Variants in KCTD1 observed in about 807,000 individuals in gnomAD.
KCTD1 encodes the protein potassium channel tetramerization domain containing 1, also known as BTB/POZ domain-containing protein KCTD1.
Under a neutral mutation model 66.0 loss-of-function variants are expected in KCTD1, and 24 were observed. The ratio of observed to expected loss-of-function variants is 0.36; its 90% confidence interval spans 0.26 to 0.51. KCTD1 has a LOEUF of 0.51. Ranked by LOEUF, KCTD1 falls within the 20% of genes least tolerant of loss-of-function variation. The probability of loss-of-function intolerance (pLI) is 0.95; values close to 1 mark genes in which losing one functional copy is unlikely to be tolerated. For missense variants in KCTD1, 943 were observed against 1,205.2 expected, an observed-to-expected ratio of 0.78 and a Z score of 3.22; for synonymous variants, 511 against 517.2, an observed-to-expected ratio of 0.99 and a Z score of 0.16.
intron 3 of KCTD1, 109 bp from the exon 4 acceptor site, chr18:26,460,034 A>G (rs2144535818): frequency 2.5e-6 from 2 of 798,346 alleles, no homozygotes; most frequent in Non-Finnish European, 4.0e-6. Flanking sequence ...CACTAATCAA[A>G]TCTGCATGTG....
chr18:26,643,225 G>A (rs759147691), upstream of KCTD1, among the ~76,000 whole-genome samples: 1 of 152,136 alleles, frequency 6.6e-6, no homozygotes, highest in Non-Finnish European at 1.5e-5. Context: ...TAGAGACTGA[G>A]TTATCTGGTG....
upstream of KCTD1, among the ~76,000 whole-genome samples, chr18:26,632,544 T>G (rs916870375): frequency 7.2e-5 from 11 of 152,122 alleles, no homozygotes; most frequent in African/African-American, 2.7e-4. Context: ...GAAATAAATA[T>G]TTTTGCTGAT....
chr18:26,509,158 TAA>T (rs71376964), intron 1 of KCTD1, among the ~76,000 whole-genome samples: 4 of 128,460 alleles, frequency 3.1e-5, no homozygotes, highest in Admixed American at 7.5e-5. Context: ...TTCACTTAAG[TAA>T]AAAAAAAAAA....
intron 1 of KCTD1, among the ~76,000 whole-genome samples, chr18:26,559,910 C>G (rs1220811245): frequency 6.6e-6 from 1 of 152,148 alleles, no homozygotes; most frequent in Non-Finnish European, 1.5e-5. Flanking sequence ...TGCCAGTGCC[C>G]TTCAGTGGAG....
chr18:26,656,835 G>A (rs1988158963), intron 1 of KCTD1, among the ~76,000 whole-genome samples: 1 of 149,042 alleles, frequency 6.7e-6, no homozygotes, highest in Admixed American at 6.6e-5. Context: ...CGGCGGGGCC[G>A]GTTTGCGGGC....
In KCTD1 at chr18:26,455,682, C is replaced by T. The variant is rs1980034486; in HGVS notation, c.*61G>A. On this transcript the variant is annotated 3_prime_UTR_variant, in exon 5 of 5. Transcript: ENST00000580059. ...GCTGTCCCAACTGCACATAAATGTC[C>T]CTTTTTTGTTTGAGTTATTGGTTGT... The T allele has an allele frequency of 1.9e-6, 3 of 1,603,104 alleles. No individual in the cohort carries two copies. The highest frequency in any genetic ancestry group is 2.2e-5 in the East Asian group (1 of 44,838).
chr18:26,540,924 G>C (rs1260250626), intron 1 of KCTD1, among the ~76,000 whole-genome samples: 1 of 152,158 alleles, frequency 6.6e-6, no homozygotes, highest in Non-Finnish European at 1.5e-5. Context: ...GTAATTCAGG[G>C]TGTGAATGAG....
At chr18:26,590,610 G>A (rs928551266) in intron 1 of KCTD1, among the ~76,000 whole-genome samples, 5 of 151,866 alleles carry the variant, frequency 3.3e-5, no homozygotes, top group Non-Finnish European at 7.4e-5. Flanking sequence ...TGCTTGTGTG[G>A]TACAGTTTTA....
intron 1 of KCTD1, chr18:26,544,993 T>C (rs1170652027): frequency 6.6e-6 from 1 of 152,238 alleles, no homozygotes; most frequent in East Asian, 1.9e-4. Context: ...TGATTTATTT[T>C]ACTCAGGTAA....
upstream of KCTD1, among the ~76,000 whole-genome samples, chr18:26,640,666 G>A (rs2145062002): frequency 6.6e-6 from 1 of 152,276 alleles, no homozygotes; most frequent in South Asian, 2.1e-4. Context: ...GCACTTATAG[G>A]AGGGAGAAAT....
At chr18:26,570,218 T>C (rs946600750) in intron 1 of KCTD1, among the ~76,000 whole-genome samples, 2 of 125,840 alleles carry the variant, frequency 1.6e-5, no homozygotes, top group Admixed American at 1.6e-4. Flanking sequence ...ATATATATGA[T>C]TTCAGCAATT....
At chr18:26,599,642 T>C (rs1185438977) in intron 1 of KCTD1, 2 of 1,470,710 alleles carry the variant, frequency 1.4e-6, no homozygotes, top group Non-Finnish European at 1.9e-6. Context: ...TGCTGAGATT[T>C]TGGCTGAAAT....
intron 4 of KCTD1, 48 bp from the exon 5 acceptor site, chr18:26,455,949 A>G: frequency 6.4e-7 from 1 of 1,573,934 alleles, no homozygotes; most frequent in African/African-American, 1.4e-5. Flanking sequence ...GGTAAGTCCT[A>G]TGGCTACATA....
At chr18:26,497,020 G>C (rs982702477) in intron 2 of KCTD1, among the ~76,000 whole-genome samples, 3 of 152,112 alleles carry the variant, frequency 2.0e-5, no homozygotes, top group Admixed American at 6.5e-5. Flanking sequence ...TGCTTCCCAG[G>C]TGCTTCTAAT....
intron 1 of KCTD1, among the ~76,000 whole-genome samples, chr18:26,617,560 T>C (rs1012184737): frequency 6.6e-6 from 1 of 152,210 alleles, no homozygotes; most frequent in African/African-American, 2.4e-5. Context: ...GAGGGAATAA[T>C]GTTTTATAAA....
rs76518650 is a variant in KCTD1, at chr18:26,479,463, G to C, written c.1989-2804C>G. ...GCTGGCGGCCAGCTCGGCCAGACCC[G>C]ATGGAAGGGGCTGAAAAACGCGCGC... On this transcript the variant is annotated intron_variant, in intron 2 of 4. Coordinates refer to ENST00000580059, the MANE Select transcript of KCTD1 (RefSeq NM_001142730.3). Among the ~76,000 whole-genome samples, 1,323 of 152,350 alleles carry C rather than the reference G, an allele frequency of 8.7e-3. 20 individuals are homozygous for C. Among genetic ancestry groups the C allele is most frequent in the African/African-American group, 0.031 (1,279 of 41,578 alleles).
intron 1 of KCTD1, among the ~76,000 whole-genome samples, chr18:26,559,358 G>T (rs936017244): frequency 6.6e-6 from 1 of 152,138 alleles, no homozygotes; most frequent in Non-Finnish European, 1.5e-5. Context: ...AATATCTCAT[G>T]TACCCCCAAA....
At chr18:26,549,566 G>A (rs1985462018), upstream of KCTD1, 9 of 704,900 alleles carry the variant, frequency 1.3e-5, no homozygotes, top group Non-Finnish European at 1.6e-5. Flanking sequence ...CGCCCTCCCT[G>A]CCCCTGAGCA....
At chr18:26,470,684 T>C (rs1312079348) in intron 3 of KCTD1, among the ~76,000 whole-genome samples, 1 of 152,248 alleles carries the variant, frequency 6.6e-6, no homozygotes, top group African/African-American at 2.4e-5. Flanking sequence ...GAAGCGTCCC[T>C]ACCTCACAGC....
Sources: allele counts gnomAD v4.1 joint callset (sites outside exome capture counted in the v4.1 genomes callset), GRCh38; gene constraint gnomAD v4.1.1; transcripts MANE v1.5; gene names NCBI Gene and HGNC (gene_info 2026-07-23, HGNC 2026-07-21).